The following SIPA1L1 variants were observed in gnomAD, a reference collection of about 807,000 sequenced individuals.
SIPA1L1 encodes the protein signal-induced proliferation-associated 1-like protein 1.
SIPA1L1 carries 26 observed loss-of-function variants against 162.7 expected under a neutral mutation model. The ratio of observed to expected loss-of-function variants is 0.16; its 90% CI spans 0.12 to 0.22. The LOEUF is 0.22. SIPA1L1 is among the 10% of genes least tolerant of loss of function. The pLI is 1.00. For synonymous variants in SIPA1L1, 829 were observed against 837.4 expected (o/e 0.99, Z 0.17); for missense variants, 1,874 against 2,241.0 (o/e 0.84, Z 3.31).
intron 6 of SIPA1L1, among the ~76,000 whole-genome samples, chr14:71,622,749 G>A (rs1334140172): frequency 6.6e-6 from 1 of 152,154 alleles, no homozygotes; most frequent in Admixed American, 6.6e-5. Context: ...TCCTCTCACA[G>A]TTCATCTTAT....
intron 2 of SIPA1L1, among the ~76,000 whole-genome samples, chr14:71,472,456 ACTACT>A (rs1345857624): frequency 4.6e-5 from 7 of 151,954 alleles, no homozygotes; most frequent in Non-Finnish European, 7.4e-5. Flanking sequence ...AAATAATTAA[ACTACT>A]CTAAGCATTC....
chr14:71,525,926 C>T (rs972729370), intron 3 of SIPA1L1, among the ~76,000 whole-genome samples: 2 of 152,184 alleles, frequency 1.3e-5, no homozygotes, highest in African/African-American at 4.8e-5. Context: ...TCCTTCCTCC[C>T]TCTGTATTGC....
chr14:71,460,849 C>T (rs2046548466), intron 2 of SIPA1L1, among the ~76,000 whole-genome samples: 1 of 152,154 alleles, frequency 6.6e-6, no homozygotes, highest in South Asian at 2.1e-4. Flanking sequence ...GAGAACTTTG[C>T]CCCACCTCTA....
chr14:71,351,618 AT>A (rs10715474), intron 2 of SIPA1L1, among the ~76,000 whole-genome samples: 78,532 of 151,902 alleles, frequency 0.52, 20,841 homozygotes, highest in East Asian at 0.75. Flanking sequence ...ACGGTTTATT[AT>A]TACCATAAAC....
chr14:71,387,539 G>A (rs1451283410), intron 2 of SIPA1L1, among the ~76,000 whole-genome samples: 2 of 152,118 alleles, frequency 1.3e-5, no homozygotes, highest in African/African-American at 4.8e-5. Context: ...AGCCAAGAAA[G>A]GTGTGTGTGT....
intron 8 of SIPA1L1, among the ~76,000 whole-genome samples, chr14:71,652,518 G>A (rs1360223670): frequency 1.3e-5 from 2 of 152,070 alleles, no homozygotes; most frequent in Admixed American, 1.3e-4. Context: ...AGTACTATCT[G>A]CTGTTATTTC....
chr14:71,676,850 C>T (rs2045257374), intron 12 of SIPA1L1, among the ~76,000 whole-genome samples: 1 of 152,084 alleles, frequency 6.6e-6, no homozygotes, highest in Admixed American at 6.6e-5. Flanking sequence ...TGTACATGTG[C>T]CACATTTTCT....
intron 2 of SIPA1L1, among the ~76,000 whole-genome samples, chr14:71,358,113 G>A (rs914575054): frequency 6.6e-6 from 1 of 151,944 alleles, no homozygotes; most frequent in African/African-American, 2.4e-5. Flanking sequence ...CTACCTGCCT[G>A]GACCTCCCAA....
At chr14:71,395,051 T>C (rs1566969145) in intron 2 of SIPA1L1, among the ~76,000 whole-genome samples, 1 of 152,224 alleles carries the variant, frequency 6.6e-6, no homozygotes, top group Non-Finnish European at 1.5e-5. Context: ...TGTGCAGTTA[T>C]TTTGGTCTCT....
chr14:71,677,732 T>A (rs2149456723), intron 12 of SIPA1L1, among the ~76,000 whole-genome samples: 1 of 152,336 alleles, frequency 6.6e-6, no homozygotes, highest in East Asian at 1.9e-4. Flanking sequence ...AAATAGGGAA[T>A]CCTGTGCCCA....
At chr14:71,635,565 G>T (rs1476511420) in intron 7 of SIPA1L1, among the ~76,000 whole-genome samples, 1 of 152,066 alleles carries the variant, frequency 6.6e-6, no homozygotes, top group Non-Finnish European at 1.5e-5. Context: ...CATAGATAAA[G>T]ATATATATAG....
Position 71,529,341 on chromosome 14 carries a change from A to G in SIPA1L1, c.-332A>G. 1 of 683,940 alleles carries G rather than the reference A, an allele frequency of 1.5e-6. No individual in the cohort carries two copies. Among genetic ancestry groups the G allele is most frequent in the Non-Finnish European group, 2.7e-6 (1 of 375,986 alleles). 42.4% of individuals were successfully genotyped at this position (683,940 alleles called of 1,614,324 possible). A position where few individuals can be genotyped will look rare whatever the true frequency, so the allele number is the denominator to read the frequency against. ...TACCTTATTGGTGTGGACGTTGTCT[A>G]AATTTCGGTAGCCATGGCACAAGAA... is the stretch of plus-strand genomic sequence containing the variant. On this transcript the variant is annotated 5_prime_UTR_variant, in exon 4 of 24. Transcript: ENST00000381232.
At chr14:71,414,284 C>T (rs1271472939) in intron 2 of SIPA1L1, among the ~76,000 whole-genome samples, 1 of 152,086 alleles carries the variant, frequency 6.6e-6, no homozygotes, top group Non-Finnish European at 1.5e-5. Context: ...GAGGCTGAGG[C>T]AGGAGAATTG....
chr14:71,406,035 C>T (rs776639653), intron 2 of SIPA1L1, among the ~76,000 whole-genome samples: 23 of 152,128 alleles, frequency 1.5e-4, no homozygotes, highest in Middle Eastern at 3.4e-3. Context: ...AGCGTCTCGT[C>T]GAGAGATAAC....
intron 2 of SIPA1L1, among the ~76,000 whole-genome samples, chr14:71,401,586 G>A (rs1298164879): frequency 6.6e-6 from 1 of 151,838 alleles, no homozygotes; most frequent in Admixed American, 6.6e-5. Context: ...TAGCTTTTTT[G>A]TGTGTACTCT....
At chr14:71,572,266 G>A (rs1050225782) in intron 4 of SIPA1L1, among the ~76,000 whole-genome samples, 15 of 152,126 alleles carry the variant, frequency 9.9e-5, no homozygotes, top group African/African-American at 3.4e-4. Context: ...GCCACACTGG[G>A]GATTAAGTTT....
chr14:71,485,830 T>G (rs1037692621), intron 2 of SIPA1L1, among the ~76,000 whole-genome samples: 3 of 152,052 alleles, frequency 2.0e-5, no homozygotes, highest in African/African-American at 7.2e-5. Context: ...CCAAATTGAT[T>G]CTTATCTAAC....
At chr14:71,359,134 A>G (rs2037554770) in intron 2 of SIPA1L1, among the ~76,000 whole-genome samples, 1 of 152,184 alleles carries the variant, frequency 6.6e-6, no homozygotes, top group Admixed American at 6.5e-5. Context: ...GGAGGGACCC[A>G]GTGGGAGGTA....
At chr14:71,550,775 G>A (rs2146232945) in intron 4 of SIPA1L1, among the ~76,000 whole-genome samples, 1 of 151,990 alleles carries the variant, frequency 6.6e-6, no homozygotes, top group East Asian at 1.9e-4. Flanking sequence ...ATTTAACATG[G>A]TCAACAAAGA....
Sources: allele counts gnomAD v4.1 joint callset (sites outside exome capture counted in the v4.1 genomes callset), GRCh38; gene constraint gnomAD v4.1.1; transcripts MANE v1.5; gene names NCBI Gene and HGNC (gene_info 2026-07-23, HGNC 2026-07-21).